Variants in CSMD1 observed in about 807,000 individuals in gnomAD.
CSMD1 encodes the protein CUB and sushi domain-containing protein 1.
CSMD1 carries 213 observed loss-of-function variants against 417.5 expected under a neutral mutation model. The observed-to-expected ratio is 0.51, with a 90% CI of 0.46 to 0.57. CSMD1 has a LOEUF of 0.57. Ranked by LOEUF, CSMD1 falls within the 20% of genes least tolerant of loss-of-function variation. The probability of loss-of-function intolerance (pLI) is 0.00; values close to 1 mark genes in which losing one functional copy is unlikely to be tolerated. For synonymous variants in CSMD1, 2,862 were observed against 1,736.8 expected, an observed-to-expected ratio of 1.65 and a Z score of -16.11; for missense variants, 6,923 against 4,529.7, an observed-to-expected ratio of 1.53 and a Z score of -15.17.
intron 2 of CSMD1, among the ~76,000 whole-genome samples, chr8:4,518,642 G>C (rs1198124290): frequency 2.0e-5 from 3 of 151,150 alleles, no homozygotes; most frequent in Admixed American, 2.0e-4. Flanking sequence ...GGGAGGAATC[G>C]CATTAGGAGA....
chr8:3,384,983 AT>A (rs1265815937), intron 18 of CSMD1, among the ~76,000 whole-genome samples: 2 of 115,490 alleles, frequency 1.7e-5, no homozygotes, highest in African/African-American at 7.0e-5. Context: ...TATATAGCAT[AT>A]ATAATACATA....
At chr8:3,395,425 G>T (rs1438219704) in intron 17 of CSMD1, among the ~76,000 whole-genome samples, 1 of 151,824 alleles carries the variant, frequency 6.6e-6, no homozygotes, top group Non-Finnish European at 1.5e-5. Context: ...TATTCCTAGG[G>T]GTGATTCCCA....
intron 25 of CSMD1, among the ~76,000 whole-genome samples, chr8:3,295,194 G>A (rs1459331191): frequency 1.3e-5 from 2 of 151,966 alleles, no homozygotes; most frequent in South Asian, 2.1e-4. Context: ...GTGTGATCTT[G>A]GCTCACTGGA....
chr8:3,500,801 G>C (rs186485131), intron 10 of CSMD1, among the ~76,000 whole-genome samples: 2 of 152,244 alleles, frequency 1.3e-5, no homozygotes, highest in Admixed American at 1.3e-4. Flanking sequence ...TGGAAGAAGC[G>C]CTAAAGTGGA....
At chr8:3,599,134 T>C (rs1254857188) in intron 8 of CSMD1, among the ~76,000 whole-genome samples, 1 of 134,572 alleles carries the variant, frequency 7.4e-6, no homozygotes, top group Non-Finnish European at 1.5e-5. Context: ...GCTGTGTGTG[T>C]GTGTGTGTGT....
At chr8:3,796,586 TATAG>T (rs918518587) in intron 5 of CSMD1, among the ~76,000 whole-genome samples, 7 of 146,728 alleles carry the variant, frequency 4.8e-5, no homozygotes, top group East Asian at 2.0e-4. Context: ...AGATATAATA[TATAG>T]ATATATATCT....
intron 5 of CSMD1, among the ~76,000 whole-genome samples, chr8:3,829,827 G>A (rs139756398): frequency 7.8e-4 from 118 of 152,128 alleles, no homozygotes; most frequent in African/African-American, 1.5e-3. Context: ...GAATAAGTTC[G>A]TTTTAAGAAA....
chr8:3,238,393 C>T (rs1479791920), intron 26 of CSMD1, among the ~76,000 whole-genome samples: 2 of 151,976 alleles, frequency 1.3e-5, no homozygotes, highest in Non-Finnish European at 2.9e-5. Flanking sequence ...AGTTTGGGTT[C>T]AGAGGCCTGA....
chr8:3,140,702 G>A (rs1337990157), intron 41 of CSMD1, among the ~76,000 whole-genome samples: 1 of 150,050 alleles, frequency 6.7e-6, no homozygotes, highest in Admixed American at 6.6e-5. Context: ...GTGGAATTAG[G>A]GAAACAAGTG....
intron 5 of CSMD1, among the ~76,000 whole-genome samples, chr8:3,937,837 A>C (rs1349813576): frequency 3.9e-5 from 6 of 152,164 alleles, no homozygotes; most frequent in Admixed American, 2.6e-4. Context: ...TTATGATTTA[A>C]AGTTTATAAT....
At chr8:4,358,057 T>C (rs1801530671) in intron 3 of CSMD1, among the ~76,000 whole-genome samples, 1 of 152,212 alleles carries the variant, frequency 6.6e-6, no homozygotes, top group Admixed American at 6.5e-5. Context: ...CTGATTTACA[T>C]GTATACTTAC....
chr8:4,405,938 A>G (rs900348820), intron 3 of CSMD1, among the ~76,000 whole-genome samples: 13 of 152,176 alleles, frequency 8.5e-5, no homozygotes, highest in African/African-American at 2.2e-4. Context: ...TTTAATTAGT[A>G]TCCTGAGTAA....
At chr8:2,981,428 C>CA (rs147713303) in intron 54 of CSMD1, among the ~76,000 whole-genome samples, 6,512 of 152,246 alleles carry the variant, frequency 0.043, 442 homozygotes, top group African/African-American at 0.15. Flanking sequence ...GCAGCGACTC[C>CA]AGACCTGGTT....
intron 2 of CSMD1, among the ~76,000 whole-genome samples, chr8:4,581,330 A>G (rs1218673121): frequency 2.0e-5 from 3 of 152,200 alleles, no homozygotes; most frequent in Non-Finnish European, 1.5e-5. Context: ...TAAGTTGAAT[A>G]TATACTACTT....
chr8:4,085,877 T>C (rs938830726), intron 3 of CSMD1, among the ~76,000 whole-genome samples: 2 of 152,184 alleles, frequency 1.3e-5, no homozygotes, highest in Non-Finnish European at 2.9e-5. Flanking sequence ...GGCTGTATTA[T>C]TATTGTACTC....
intron 5 of CSMD1, among the ~76,000 whole-genome samples, chr8:3,879,805 C>T (rs1047004689): frequency 2.0e-5 from 3 of 149,974 alleles, no homozygotes; most frequent in African/African-American, 7.5e-5. Context: ...TCATTTATTT[C>T]GTGTATAGAG....
At chr8:4,180,365 G>A (rs1348883247) in intron 3 of CSMD1, among the ~76,000 whole-genome samples, 1 of 146,846 alleles carries the variant, frequency 6.8e-6, no homozygotes, top group East Asian at 2.0e-4. Context: ...CTCATACATG[G>A]GAATTGAAAA....
chr8:4,534,889 AGTAGCTGGGACTACAG>A (rs1221620883), intron 2 of CSMD1, among the ~76,000 whole-genome samples: 3 of 152,044 alleles, frequency 2.0e-5, no homozygotes, highest in Non-Finnish European at 4.4e-5. Context: ...CAGCCTCCCA[AGTAGCTGGGACTACAG>A]GTGCCTGCCA....
At chr8:3,387,093 A>C (rs895696) in intron 18 of CSMD1, among the ~76,000 whole-genome samples, 1 of 151,964 alleles carries the variant, frequency 6.6e-6, no homozygotes. Context: ...CAGTCCACGG[A>C]AACAAAGACA....
Sources: allele counts gnomAD v4.1 joint callset (sites outside exome capture counted in the v4.1 genomes callset), GRCh38; gene constraint gnomAD v4.1.1; transcripts MANE v1.5; gene names NCBI Gene and HGNC (gene_info 2026-07-23, HGNC 2026-07-21).